The following DENND5B variants were observed in gnomAD, a reference collection of about 807,000 sequenced individuals.
DENND5B encodes DENN domain containing 5B.
Under a neutral mutation model 140.6 loss-of-function variants are expected in DENND5B, and 34 were observed. The ratio of observed to expected loss-of-function variants is 0.24; its 90% confidence interval spans 0.18 to 0.32. The LOEUF (loss-of-function observed/expected upper bound fraction) is 0.32, where lower values mean the gene tolerates loss of function less well. DENND5B is among the 10% of genes least tolerant of loss of function. The probability of loss-of-function intolerance (pLI) is 1.00; values close to 1 mark genes in which losing one functional copy is unlikely to be tolerated. For synonymous variants in DENND5B, 551 were observed against 562.1 expected, an observed-to-expected ratio of 0.98 and a Z score of 0.28; for missense variants, 1,142 against 1,560.2, an observed-to-expected ratio of 0.73 and a Z score of 4.52.
chr12:31,540,786 A>G (rs1208513599), intron 1 of DENND5B: 1 of 156,610 alleles, frequency 6.4e-6, no homozygotes, highest in African/African-American at 2.4e-5. Flanking sequence ...GAATTTTATT[A>G]CCTGACTTCA....
At position 31,590,850 on chromosome 12, in the gene DENND5B, A is replaced by G; in HGVS notation, c.-18T>C. ...CCGCTCATCCCGGCCGCGCTGCTCC[A>G]GGGGCCGCCGCCGCCGCCGCCCGGG... On this transcript the variant is annotated 5_prime_UTR_variant, in exon 1 of 21. Coordinates refer to ENST00000389082, the MANE Select transcript of DENND5B (RefSeq NM_144973.4). 1 of 1,208,738 alleles carries G rather than the reference A, an allele frequency of 8.3e-7. No individual in the cohort carries two copies. Among genetic ancestry groups the G allele is most frequent in the South Asian group, 4.0e-5 (1 of 25,102 alleles). 74.9% of individuals were successfully genotyped at this position (1,208,738 alleles called of 1,614,324 possible).
At chr12:31,444,203 T>G (rs1401874948) in intron 6 of DENND5B, 1 of 152,180 alleles carries the variant, frequency 6.6e-6, no homozygotes, top group Non-Finnish European at 1.5e-5. Flanking sequence ...ATTTTGTGAT[T>G]TAAGAGAAGA....
At chr12:31,533,357 TGTAA>T (rs1948360407) in intron 1 of DENND5B, among the ~76,000 whole-genome samples, 1 of 152,222 alleles carries the variant, frequency 6.6e-6, no homozygotes, top group Non-Finnish European at 1.5e-5. Context: ...TATTAGCTAT[TGTAA>T]GTAATCTAGA....
At chr12:31,410,841 C>T (rs1005844867) in intron 13 of DENND5B, among the ~76,000 whole-genome samples, 7 of 152,002 alleles carry the variant, frequency 4.6e-5, no homozygotes, top group Middle Eastern at 3.2e-3. Context: ...TCTTCTGATA[C>T]GGTGAAATGT....
chr12:31,423,815 G>A, intron 10 of DENND5B, 140 bp from the exon 11 acceptor site: 1 of 764,046 alleles, frequency 1.3e-6, no homozygotes, highest in Non-Finnish European at 2.2e-6. Context: ...ATGACATTCT[G>A]AGCATCTTCT....
chr12:31,510,171 CATTT>C (rs1237210200), intron 1 of DENND5B, among the ~76,000 whole-genome samples: 4 of 152,194 alleles, frequency 2.6e-5, no homozygotes, highest in Non-Finnish European at 5.9e-5. Context: ...AACACACCCA[CATTT>C]ATTATTTCAC....
At chr12:31,531,665 T>C (rs190083577) in intron 1 of DENND5B, among the ~76,000 whole-genome samples, 24 of 152,360 alleles carry the variant, frequency 1.6e-4, no homozygotes, top group African/African-American at 5.8e-4. Flanking sequence ...CCTGGCATCA[T>C]GCTATTGTGG....
At chr12:31,529,174 A>AG (rs946745068) in intron 1 of DENND5B, among the ~76,000 whole-genome samples, 15 of 151,684 alleles carry the variant, frequency 9.9e-5, no homozygotes, top group Middle Eastern at 3.2e-3. Flanking sequence ...AAAAAAAAAA[A>AG]AAAAGAAAAG....
intron 1 of DENND5B, among the ~76,000 whole-genome samples, chr12:31,528,936 C>T (rs533317687): frequency 1.6e-4 from 25 of 151,562 alleles, no homozygotes; most frequent in African/African-American, 4.6e-4. Context: ...CCGAGGCAGG[C>T]GACCACCTGA....
chr12:31,570,486 C>T (rs1222996823), intron 1 of DENND5B, among the ~76,000 whole-genome samples: 5 of 150,374 alleles, frequency 3.3e-5, no homozygotes, highest in Non-Finnish European at 7.4e-5. Context: ...ACCATGTTAG[C>T]CAGGATGGTC....
intron 1 of DENND5B, among the ~76,000 whole-genome samples, chr12:31,519,173 G>A (rs1159494107): frequency 6.6e-6 from 1 of 152,140 alleles, no homozygotes; most frequent in African/African-American, 2.4e-5. Context: ...TTTCTTTCTG[G>A]GTGCTTGGTG....
intron 1 of DENND5B, among the ~76,000 whole-genome samples, chr12:31,588,594 CAA>C (rs749129223): frequency 4.6e-5 from 7 of 152,118 alleles, no homozygotes; most frequent in Non-Finnish European, 1.0e-4. Flanking sequence ...CTAGAGATGA[CAA>C]AGTGTACAGG....
chr12:31,527,576 G>A (rs1192737330), intron 1 of DENND5B, among the ~76,000 whole-genome samples: 2 of 152,050 alleles, frequency 1.3e-5, no homozygotes, highest in Admixed American at 6.6e-5. Context: ...TCAGGAGTTC[G>A]AGACCAGCCT....
intron 2 of DENND5B, 125 bp from the exon 3 acceptor site, chr12:31,480,380 C>A: frequency 1.2e-6 from 1 of 855,134 alleles, no homozygotes; most frequent in Non-Finnish European, 1.7e-6. Context: ...TTAATATTCG[C>A]AATAGCCTTA....
chr12:31,581,066 T>C lies in DENND5B; in HGVS notation c.127+9640A>G, dbSNP rs566278466. 2.3e-4 allele frequency among the ~76,000 whole-genome samples: 35 copies of C among 152,250 alleles called. No homozygotes were observed. In the East Asian group the frequency reaches 6.0e-3, roughly 26 times the overall value. ...GCTGCAGTGAGCTGTGATTGAAGTATTGCACTCCAGCCTGGACAACAGAGC... is the reference window on the plus strand; with the variant it reads ...GCTGCAGTGAGCTGTGATTGAAGTACTGCACTCCAGCCTGGACAACAGAGC... On this transcript the variant is annotated intron_variant, in intron 1 of 20. Transcript: ENST00000389082.
At chr12:31,539,450 C>T (rs1369818321) in intron 1 of DENND5B, among the ~76,000 whole-genome samples, 1 of 152,112 alleles carries the variant, frequency 6.6e-6, no homozygotes, top group Non-Finnish European at 1.5e-5. Flanking sequence ...ACCAATATCA[C>T]TGATGAAAAT....
At chr12:31,458,029 T>G (rs1004891814) in intron 4 of DENND5B, among the ~76,000 whole-genome samples, 1 of 152,242 alleles carries the variant, frequency 6.6e-6, no homozygotes, top group Non-Finnish European at 1.5e-5. Flanking sequence ...ACTGCTATTT[T>G]CACAGCTAAT....
chr12:31,436,405 A>G (rs1943758983), intron 7 of DENND5B, among the ~76,000 whole-genome samples: 1 of 150,768 alleles, frequency 6.6e-6, no homozygotes, highest in African/African-American at 2.4e-5. Context: ...CCAATCCTAA[A>G]AATCCTCTTG....
At chr12:31,399,554 T>C (rs1798768) in intron 16 of DENND5B, 100 bp downstream of exon 16, 4 of 926,946 alleles carry the variant, frequency 4.3e-6, no homozygotes, top group Admixed American at 4.8e-5. Flanking sequence ...GCTGGGATTA[T>C]AGGTGTGAGC....
Sources: gnomAD v4.1 joint callset for allele counts (sites outside exome capture counted in the v4.1 genomes callset) on GRCh38, gnomAD v4.1.1 for gene constraint, MANE v1.5 for transcripts, NCBI Gene and HGNC (gene_info 2026-07-23, HGNC 2026-07-21) for gene names.